The following EXOC1 variants were observed in gnomAD, a reference collection of about 807,000 sequenced individuals.
EXOC1 encodes SEC3-like 1.
In EXOC1, 67 loss-of-function variants were observed where a neutral mutation model predicts 107.7. The ratio of observed to expected loss-of-function variants is 0.62; its 90% CI spans 0.51 to 0.76. The LOEUF (loss-of-function observed/expected upper bound fraction) is 0.76, where lower values mean the gene tolerates loss of function less well. Among genes scored for constraint, EXOC1 ranks in the 30% least tolerant of loss-of-function variants. The pLI, the probability that EXOC1 is intolerant of heterozygous loss-of-function variation, is 0.00. For synonymous variants in EXOC1, 348 were observed against 353.5 expected, an observed-to-expected ratio of 0.98 and a Z score of 0.17; for missense variants, 833 against 1,055.7, an observed-to-expected ratio of 0.79 and a Z score of 2.92.
rs751720337 is a variant in EXOC1 at position 55,877,921 on chromosome 4, A to G, written c.1079A>G (p.His360Arg). 10 of 1,613,584 alleles carry G rather than the reference A, an allele frequency of 6.2e-6. No individual in the cohort carries two copies. The East Asian group carries it at 2.2e-4, about 36-fold the overall frequency. Residue 360 changes from histidine (H) to arginine (R), a missense_variant, in exon 9 of 19, where the codon CAT (histidine) becomes CGT (arginine). By Grantham distance (29) the His-to-Arg change is conservative. Around this residue, in one of 2 missense-constraint regions of EXOC1, gnomAD observed 617 missense variants for 701.3 expected, o/e 0.88. Transcript: ENST00000381295. Reference protein sequence around the residue: ...HLNNVFVQQGHDQSSTLAQHS... With the variant: ...HLNNVFVQQGRDQSSTLAQHS... Reference sequence around the variant, plus strand: ...TACTTATTTTACTCACTTTAGGGTCATGATCAGAGTTCGACTCTTGCCCAA... The same window carrying G: ...TACTTATTTTACTCACTTTAGGGTCGTGATCAGAGTTCGACTCTTGCCCAA...
intron 1 of EXOC1, among the ~76,000 whole-genome samples, chr4:55,854,415 G>A (rs540594307): frequency 1.3e-5 from 2 of 152,158 alleles, no homozygotes; most frequent in East Asian, 3.9e-4. Context: ...TTTGGAACGT[G>A]GTCAGATATG....
intron 16 of EXOC1, among the ~76,000 whole-genome samples, chr4:55,897,512 T>A (rs1560363570): frequency 6.6e-6 from 1 of 152,188 alleles, no homozygotes; most frequent in Non-Finnish European, 1.5e-5. Flanking sequence ...TAATTCGCTT[T>A]CTTCCTGTGT....
intron 18 of EXOC1, among the ~76,000 whole-genome samples, chr4:55,903,629 A>G (rs766542305): frequency 6.6e-6 from 1 of 152,164 alleles, no homozygotes; most frequent in Non-Finnish European, 1.5e-5. Context: ...CATAATACCC[A>G]CCCTCACCAG....
At chr4:55,883,989 T>C in intron 10 of EXOC1, 61 bp downstream of exon 10, 1 of 1,220,140 alleles carries the variant, frequency 8.2e-7, no homozygotes, top group Non-Finnish European at 1.2e-6. Context: ...TTATAACAAA[T>C]AATTCTAAGA....
At position 55,875,790 on chromosome 4, in the gene EXOC1, C is replaced by T. The variant is rs897247101; in HGVS notation, c.1075-2127C>T. On this transcript the variant is annotated intron_variant, in intron 8 of 18. Transcript: ENST00000381295. ...ATTAAGGCACATAGTTTAGGCCAGG[C>T]GCAGTGGCTCACACCTGTAATTCCA... The T allele has an allele frequency of 4.7e-5, 46 of 985,006 alleles. No homozygotes were observed. The African/African-American group carries it at 6.8e-4, about 15-fold the overall frequency. The allele number at this position is 985,006 out of a possible 1,614,324, so 61.0% of individuals were successfully genotyped here.
In EXOC1 at chr4:55,894,626, T is replaced by C. The variant is rs1432512359; in HGVS notation, c.1953+846T>C. On this transcript the variant is annotated intron_variant, in intron 15 of 18. Transcript: ENST00000381295. ...TTACTATCTGTTACTTTTTTTTTTT[T>C]TTTTTTTTTTTTTGAGATGGAGTCT... Among the ~76,000 whole-genome samples the C allele has an allele frequency of 2.2e-5, 3 of 136,012 alleles. No homozygotes were observed. In the East Asian group the frequency reaches 6.3e-4, roughly 29 times the overall value. 89.2% of individuals were successfully genotyped at this position (136,012 alleles called of 152,430 possible).
In EXOC1 at chr4:55,862,589, G is replaced by A. The variant is rs537481186; in HGVS notation, c.256-1638G>A. Among the ~76,000 whole-genome samples, 379 of 152,196 alleles carry A rather than the reference G, an allele frequency of 2.5e-3. 2 individuals are homozygous for A. Among genetic ancestry groups the A allele is most frequent in the Non-Finnish European group, 2.4e-3 (163 of 68,008 alleles). On this transcript the variant is annotated intron_variant, in intron 3 of 18. Transcript: ENST00000381295. Reference sequence around the variant, plus strand: ...ATGCAATTACCTTTTCATTGTATATGCAGGTTTTAAATTTTTGACGCTTCA... The same window carrying A: ...ATGCAATTACCTTTTCATTGTATATACAGGTTTTAAATTTTTGACGCTTCA...
chr4:55,868,283 A>T lies in EXOC1; in HGVS notation c.416-53A>T, dbSNP rs547702477. The T allele has an allele frequency of 1.6e-4, 234 of 1,495,806 alleles. No individual in the cohort carries two copies. In the African/African-American group the frequency reaches 2.9e-3, roughly 18 times the overall value. The allele number at this position is 1,495,806 out of a possible 1,614,324, so 92.7% of individuals were successfully genotyped here. A position where few individuals can be genotyped will look rare whatever the true frequency, so the allele number is the denominator to read the frequency against. ...TATACCTACCTATATGTATTATGTT[A>T]TAGTCTTTTCTACTTTTTTGACTAT... is the stretch of plus-strand genomic sequence containing the variant. On this transcript the variant is annotated intron_variant, in intron 4 of 18. Transcript: ENST00000381295.
intron 17 of EXOC1, 27 bp from the exon 18 acceptor site, chr4:55,902,317 C>T: frequency 7.2e-7 from 1 of 1,398,104 alleles, no homozygotes; most frequent in Non-Finnish European, 9.3e-7. Context: ...CAGGTCTTAG[C>T]CATTGTTTCT....
chr4:55,880,649 T>C (rs949755971), intron 9 of EXOC1, among the ~76,000 whole-genome samples: 1 of 152,234 alleles, frequency 6.6e-6, no homozygotes, highest in Non-Finnish European at 1.5e-5. Flanking sequence ...TTTTGCCTAA[T>C]TGTGTTCCCA....
At chr4:55,868,652 A>G (rs904027293) in intron 5 of EXOC1, 129 bp downstream of exon 5, 13 of 674,420 alleles carry the variant, frequency 1.9e-5, no homozygotes, top group African/African-American at 3.7e-5. Context: ...CTATAAGCAC[A>G]TTACCAGCTG....
chr4:55,860,360 A>G (rs769750594), intron 2 of EXOC1, 51 bp from the exon 3 acceptor site: 1 of 1,603,960 alleles, frequency 6.2e-7, no homozygotes, highest in Non-Finnish European at 8.5e-7. Flanking sequence ...TGAATGAAGA[A>G]TGAGTGAAAG....
At chr4:55,898,435 G>T (rs187102134) in intron 16 of EXOC1, among the ~76,000 whole-genome samples, 1 of 152,192 alleles carries the variant, frequency 6.6e-6, no homozygotes, top group Admixed American at 6.5e-5. Flanking sequence ...CCTCTGAAAT[G>T]AATTTAAAGC....
At position 55,899,785 on chromosome 4, in the gene EXOC1, A is replaced by T. The variant is rs1374852010; in HGVS notation, c.2238A>T (p.Ser746=). 1.9e-6 allele frequency: 3 copies of T among 1,613,680 alleles called. No individual in the cohort carries two copies. The highest frequency in any genetic ancestry group is 1.7e-4 in the Middle Eastern group (1 of 6,020). The change falls in exon 17 of 19, where the codon TCA becomes TCT. Residue 746 remains serine (S), a synonymous_variant. Transcript: ENST00000381295. ...IFATLSRLKI[S]CLEAEKKEAK... is the part of the protein sequence containing the mutation. Reference sequence around the variant, plus strand: ...CAACTCTTTCTCGATTGAAAATCTCATGTCTAGAAGCAGAAAAAAAAGAAG... The same window carrying T: ...CAACTCTTTCTCGATTGAAAATCTCTTGTCTAGAAGCAGAAAAAAAAGAAG...
intron 14 of EXOC1, among the ~76,000 whole-genome samples, chr4:55,893,118 G>A (rs368385300): frequency 6.8e-6 from 1 of 147,820 alleles, no homozygotes; most frequent in Non-Finnish European, 1.5e-5. Context: ...TTTGTTTTTT[G>A]TTGTTGTTGT....
chr4:55,897,008 T>C, intron 16 of EXOC1, 108 bp downstream of exon 16: 1 of 833,850 alleles, frequency 1.2e-6, no homozygotes, highest in Non-Finnish European at 1.7e-6. Context: ...CTTATAATCT[T>C]TTTTAGGTTT....
intron 12 of EXOC1, among the ~76,000 whole-genome samples, chr4:55,890,789 G>C (rs1342027652): frequency 1.3e-5 from 2 of 152,294 alleles, no homozygotes; most frequent in African/African-American, 4.8e-5. Context: ...GAATGCAGTG[G>C]CACAGTCTCA....
intron 4 of EXOC1, among the ~76,000 whole-genome samples, chr4:55,867,542 C>G (rs1722063100): frequency 6.7e-6 from 1 of 149,446 alleles, no homozygotes; most frequent in Non-Finnish European, 1.5e-5. Flanking sequence ...ATATACAGTG[C>G]TCACATGCTA....
At chr4:55,887,817 G>A (rs1724072393) in intron 10 of EXOC1, among the ~76,000 whole-genome samples, 1 of 152,020 alleles carries the variant, frequency 6.6e-6, no homozygotes, top group African/African-American at 2.4e-5. Context: ...GCACCAGAAA[G>A]TACTGTTCAG....
Sources: allele counts gnomAD v4.1 joint callset (sites outside exome capture counted in the v4.1 genomes callset), GRCh38; gene constraint gnomAD v4.1.1; regional missense constraint gnomAD v4.1.1; transcripts MANE v1.5; gene names NCBI Gene and HGNC (gene_info 2026-07-23, HGNC 2026-07-21).